The following PLA2G4A variants were observed in gnomAD, a reference collection of about 807,000 sequenced individuals.
PLA2G4A encodes cytosolic phospholipase A2.
In PLA2G4A, 40 loss-of-function variants were observed where a neutral mutation model predicts 81.9. The ratio of observed to expected loss-of-function variants is 0.49; its 90% CI spans 0.38 to 0.64. The LOEUF (loss-of-function observed/expected upper bound fraction) is 0.64. PLA2G4A is among the 30% of genes least tolerant of loss of function. PLA2G4A has a pLI of 0.00. For missense variants in PLA2G4A, 715 were observed against 905.1 expected, an observed-to-expected ratio of 0.79 and a Z score of 2.69; for synonymous variants, 302 against 296.9, an observed-to-expected ratio of 1.02 and a Z score of -0.18.
At chr1:186,873,760 T>C (rs1653370653) in intron 3 of PLA2G4A, among the ~76,000 whole-genome samples, 1 of 152,124 alleles carries the variant, frequency 6.6e-6, no homozygotes, top group African/African-American at 2.4e-5. Flanking sequence ...AACTGTCTTT[T>C]GAAGAGTCAG....
chr1:186,869,372 C>T (rs1653157489), intron 2 of PLA2G4A, among the ~76,000 whole-genome samples: 1 of 151,736 alleles, frequency 6.6e-6, no homozygotes, highest in Admixed American at 6.6e-5. Context: ...TTTATGCTTC[C>T]CTGCCTTTTT....
At chr1:186,988,331 G>A (rs1657956368) in intron 17 of PLA2G4A, 46 bp from the exon 18 acceptor site, 2 of 1,469,228 alleles carry the variant, frequency 1.4e-6, no homozygotes, top group African/African-American at 2.8e-5. Context: ...ATATATAAAT[G>A]AGTTCATAGC....
intron 3 of PLA2G4A, among the ~76,000 whole-genome samples, chr1:186,891,624 G>A (rs1283693037): frequency 2.0e-5 from 3 of 152,130 alleles, no homozygotes; most frequent in Non-Finnish European, 4.4e-5. Context: ...TGCAAATGGC[G>A]AGATCTCATT....
intron 8 of PLA2G4A, among the ~76,000 whole-genome samples, chr1:186,933,595 G>A (rs746586094): frequency 2.0e-5 from 3 of 152,104 alleles, no homozygotes; most frequent in Non-Finnish European, 4.4e-5. Context: ...TTGCTCACAT[G>A]TCTCAAATAA....
chr1:186,920,664 G>A (rs184024953), intron 7 of PLA2G4A, among the ~76,000 whole-genome samples: 11 of 152,256 alleles, frequency 7.2e-5, no homozygotes, highest in Admixed American at 2.0e-4. Flanking sequence ...TACAGTAGGC[G>A]CATTGGTTAG....
intron 14 of PLA2G4A, among the ~76,000 whole-genome samples, chr1:186,962,816 C>A (rs373405639): frequency 1.5e-5 from 1 of 68,094 alleles, no homozygotes; most frequent in East Asian, 4.5e-4. Context: ...CCACTGCGCC[C>A]GGTCACTTTG....
At position 186,939,218 on chromosome 1, in the gene PLA2G4A, A is replaced by C. The variant is rs114699269; in HGVS notation, c.906A>C (p.Thr302=). The C allele has an allele frequency of 3.8e-4, 582 of 1,518,348 alleles. 2 individuals are homozygous for C. The highest frequency in any genetic ancestry group is 5.1e-4 in the Non-Finnish European group (553 of 1,093,052). The allele number at this position is 1,518,348 out of a possible 1,614,324, so 94.1% of individuals were successfully genotyped here. The part of the protein sequence containing the change: ...TDIFGMLIGE[T]LIHNRMNTTL... ...TCTTTGGGATGTTAATAGGAGAAAC[A>C]CTAATTCATAATGTAAGTTACAGTT... Residue 302 remains threonine (T), a synonymous_variant, in exon 9 of 18, where the codon ACA becomes ACC. Transcript: ENST00000367466.
intron 1 of PLA2G4A, among the ~76,000 whole-genome samples, chr1:186,844,756 T>C (rs1652110401): frequency 6.6e-6 from 1 of 152,236 alleles, no homozygotes; most frequent in African/African-American, 2.4e-5. Flanking sequence ...CTGCACGTTG[T>C]GCACATGTAC....
At chr1:186,871,468 C>T (rs746662348) in intron 3 of PLA2G4A, among the ~76,000 whole-genome samples, 3 of 152,050 alleles carry the variant, frequency 2.0e-5, no homozygotes, top group Non-Finnish European at 4.4e-5. Flanking sequence ...ACAGAGATTG[C>T]AATGTATCGT....
At chr1:186,869,807 G>T (rs1453781717) in intron 2 of PLA2G4A, among the ~76,000 whole-genome samples, 1 of 152,182 alleles carries the variant, frequency 6.6e-6, no homozygotes. Flanking sequence ...GAGTAGAATT[G>T]TTTGATAACT....
rs1457932571 is a variant in PLA2G4A, at chr1:186,965,512, A to G, written c.1683A>G (p.Ile561Met). 1 of 1,612,714 alleles carries G rather than the reference A, an allele frequency of 6.2e-7. No individual in the cohort carries two copies. The highest frequency in any genetic ancestry group is 8.5e-7 in the Non-Finnish European group (1 of 1,178,674). ...CATTTAACCTGCCGTATCCCTTGAT[A>G]CTGAGACCTCAGAGAGGGGTTGATC... ...GLTFNLPYPL[I>M]LRPQRGVDLI... Residue 561 changes from isoleucine to methionine, a missense_variant, in exon 15 of 18, where the codon ATA (isoleucine) becomes ATG (methionine). Physicochemically the swap from Ile to Met is conservative, Grantham distance 10. Transcript: ENST00000367466.
At chr1:186,925,004 T>C (rs983006131) in intron 7 of PLA2G4A, among the ~76,000 whole-genome samples, 1 of 151,936 alleles carries the variant, frequency 6.6e-6, no homozygotes, top group African/African-American at 2.4e-5. Flanking sequence ...GCCAAGATGG[T>C]GCCACTGCAC....
rs149463252 is a variant in PLA2G4A at position 186,955,818 on chromosome 1, C to T, written c.1337-284C>T. On this transcript the variant is annotated intron_variant, in intron 13 of 17. Coordinates refer to ENST00000367466, the MANE Select transcript of PLA2G4A (RefSeq NM_024420.3). ...ATGCAATATCGGCTCACTGCAACCT[C>T]CGCCTCCCGGGTTCAAGCGATTCTC... 8.0e-3 allele frequency among the ~76,000 whole-genome samples: 1,163 copies of T among 145,752 alleles called. 21 individuals are homozygous for T. Among genetic ancestry groups the T allele is most frequent in the African/African-American group, 0.027 (1,051 of 39,658 alleles).
chr1:186,975,762 A>C (rs1167308501), intron 15 of PLA2G4A, among the ~76,000 whole-genome samples: 1 of 152,090 alleles, frequency 6.6e-6, no homozygotes, highest in Non-Finnish European at 1.5e-5. Flanking sequence ...ACCAAAAATA[A>C]TTTGTTTCTT....
At chr1:186,845,116 C>G (rs908572708) in intron 1 of PLA2G4A, among the ~76,000 whole-genome samples, 1 of 151,800 alleles carries the variant, frequency 6.6e-6, no homozygotes, top group South Asian at 2.1e-4. Flanking sequence ...AGGCTGAGGC[C>G]CCAGAATTGC....
intron 3 of PLA2G4A, among the ~76,000 whole-genome samples, chr1:186,887,634 C>T (rs1408123672): frequency 6.6e-6 from 1 of 152,108 alleles, no homozygotes; most frequent in Non-Finnish European, 1.5e-5. Flanking sequence ...GAAGATGAGG[C>T]TGAGTTAGTG....
intron 3 of PLA2G4A, among the ~76,000 whole-genome samples, chr1:186,889,350 A>G (rs933100455): frequency 4.6e-5 from 7 of 152,324 alleles, no homozygotes; most frequent in Admixed American, 1.3e-4. Flanking sequence ...TAATTCCACT[A>G]CAGATATGCA....
At position 186,966,118 on chromosome 1, in the gene PLA2G4A, T is replaced by TA. The variant is rs10609057; in HGVS notation, c.1764+546dup. On this transcript the variant is annotated intron_variant, in intron 15 of 17. Coordinates refer to ENST00000367466, the MANE Select transcript of PLA2G4A (RefSeq NM_024420.3). The stretch of plus-strand genomic sequence containing the variant: ...AGTGGTTTGAGGGATGAGTGGAAGT[T>TA]AAAAAAAAAAAAAAAAAAAAAGACA... 5.4e-3 allele frequency among the ~76,000 whole-genome samples: 650 copies of TA among 119,490 alleles called. 6 individuals carry two copies. Among genetic ancestry groups the TA allele is most frequent in the South Asian group, 0.026 (89 of 3,478 alleles). The allele number at this position is 119,490 out of a possible 152,430, so 78.4% of individuals were successfully genotyped here.
At chr1:186,948,530 AG>A (rs1232129163) in intron 12 of PLA2G4A, among the ~76,000 whole-genome samples, 1 of 148,822 alleles carries the variant, frequency 6.7e-6, no homozygotes, top group African/African-American at 2.6e-5. Context: ...AAAAAAAAAA[AG>A]AAGAAGAAAG....
Sources: allele counts gnomAD v4.1 joint callset (sites outside exome capture counted in the v4.1 genomes callset), GRCh38; gene constraint gnomAD v4.1.1; transcripts MANE v1.5; gene names NCBI Gene and HGNC (gene_info 2026-07-23, HGNC 2026-07-21).